The following NALF1 variants were observed in gnomAD, a reference collection of about 807,000 sequenced individuals.
NALF1 encodes the protein family with sequence similarity 155 member A.
NALF1 carries 3 observed loss-of-function variants against 48.4 expected under a neutral mutation model. The ratio of observed to expected loss-of-function variants is 0.06; its 90% confidence interval spans 0.03 to 0.16. The LOEUF (loss-of-function observed/expected upper bound fraction) is 0.16, where lower values mean the gene tolerates loss of function less well. Among genes scored for constraint, NALF1 ranks in the 10% least tolerant of loss-of-function variants. NALF1 has a pLI of 1.00. For synonymous variants in NALF1, 262 were observed against 245.7 expected (o/e 1.07, Z -0.62); for missense variants, 526 against 571.5 (o/e 0.92, Z 0.81).
At chr13:107,340,125 C>T (rs1232578559) in intron 1 of NALF1, among the ~76,000 whole-genome samples, 2 of 151,848 alleles carry the variant, frequency 1.3e-5, no homozygotes, top group African/African-American at 4.8e-5. Context: ...GTTATTCCTC[C>T]TCTGTTTGCC....
chr13:107,356,600 C>G (rs1882967712), intron 1 of NALF1, among the ~76,000 whole-genome samples: 1 of 149,326 alleles, frequency 6.7e-6, no homozygotes, highest in South Asian at 2.1e-4. Flanking sequence ...CTATCCCTCA[C>G]TTAGAACTCA....
chr13:107,775,279 C>T (rs1483175031), intron 1 of NALF1, among the ~76,000 whole-genome samples: 1 of 143,648 alleles, frequency 7.0e-6, no homozygotes, highest in African/African-American at 2.6e-5. Flanking sequence ...TTGTTCAATT[C>T]CCACCTATGA....
intron 1 of NALF1, among the ~76,000 whole-genome samples, chr13:107,735,427 G>C (rs1227626099): frequency 6.6e-6 from 1 of 152,188 alleles, no homozygotes; most frequent in Admixed American, 6.6e-5. Flanking sequence ...CAGCTTGCCT[G>C]TTTCGGCTGG....
intron 1 of NALF1, among the ~76,000 whole-genome samples, chr13:107,431,265 C>T (rs1030960949): frequency 6.6e-6 from 1 of 152,138 alleles, no homozygotes; most frequent in African/African-American, 2.4e-5. Flanking sequence ...AAAACAGTGT[C>T]CTTCCTAATG....
chr13:107,627,582 A>G (rs956904970), intron 1 of NALF1, among the ~76,000 whole-genome samples: 1 of 152,106 alleles, frequency 6.6e-6, no homozygotes, highest in Non-Finnish European at 1.5e-5. Flanking sequence ...ATTCTTTGTT[A>G]TAAGCCTAGA....
At chr13:107,689,342 T>G (rs1033792381) in intron 1 of NALF1, among the ~76,000 whole-genome samples, 3 of 152,228 alleles carry the variant, frequency 2.0e-5, no homozygotes, top group Non-Finnish European at 4.4e-5. Context: ...TATGACAGTT[T>G]TTAAATAATT....
chr13:107,395,432 C>T (rs1391376712), intron 1 of NALF1, among the ~76,000 whole-genome samples: 1 of 152,138 alleles, frequency 6.6e-6, no homozygotes, highest in Admixed American at 6.5e-5. Context: ...AGTACCTCTT[C>T]AGAGCTTCCC....
chr13:107,797,930 G>A (rs1024406342), intron 1 of NALF1, among the ~76,000 whole-genome samples: 1 of 152,076 alleles, frequency 6.6e-6, no homozygotes, highest in East Asian at 1.9e-4. Flanking sequence ...AATGGCCCAA[G>A]ATGGCTTTTC....
At chr13:107,288,843 T>C (rs977971752) in intron 1 of NALF1, among the ~76,000 whole-genome samples, 1 of 151,890 alleles carries the variant, frequency 6.6e-6, no homozygotes, top group African/African-American at 2.4e-5. Flanking sequence ...CAGAAAACAT[T>C]TTTTATGTTG....
intron 1 of NALF1, among the ~76,000 whole-genome samples, chr13:107,341,098 G>T (rs1187972277): frequency 6.6e-6 from 1 of 151,764 alleles, no homozygotes. Flanking sequence ...CAACATGCTG[G>T]ATAATGGCAG....
At chr13:107,446,039 AGCGATTCTCCT>A (rs1339994118) in intron 1 of NALF1, among the ~76,000 whole-genome samples, 1 of 152,154 alleles carries the variant, frequency 6.6e-6, no homozygotes, top group East Asian at 1.9e-4. Flanking sequence ...CCCGGGTTCA[AGCGATTCTCCT>A]GCCTCAGCCT....
chr13:107,191,579 G>A (rs569587414), intron 2 of NALF1, among the ~76,000 whole-genome samples: 17 of 152,208 alleles, frequency 1.1e-4, no homozygotes, highest in East Asian at 7.7e-4. Context: ...GTTAGAAGCC[G>A]GGGTCCTAGG....
chr13:107,188,440 C>A (rs1397505904), intron 2 of NALF1, among the ~76,000 whole-genome samples: 1 of 149,332 alleles, frequency 6.7e-6, no homozygotes, highest in African/African-American at 2.5e-5. Context: ...AAAAAAAGTT[C>A]AAATTATAGT....
chr13:107,569,477 A>G (rs1369675263), intron 1 of NALF1, among the ~76,000 whole-genome samples: 1 of 152,078 alleles, frequency 6.6e-6, no homozygotes, highest in African/African-American at 2.4e-5. Flanking sequence ...GTCTCAAAAA[A>G]AAAAAGAAAA....
At chr13:107,203,164 T>C (rs1879556579) in intron 2 of NALF1, among the ~76,000 whole-genome samples, 1 of 152,220 alleles carries the variant, frequency 6.6e-6, no homozygotes, top group Non-Finnish European at 1.5e-5. Context: ...TCTCATTGAA[T>C]AAGATTTCAC....
chr13:107,268,320 A>C (rs1187191504), intron 1 of NALF1, among the ~76,000 whole-genome samples: 1 of 152,020 alleles, frequency 6.6e-6, no homozygotes, highest in East Asian at 1.9e-4. Context: ...ATATTTTGGG[A>C]CCATGGTTGA....
chr13:107,390,149 C>A (rs892976801), intron 1 of NALF1, among the ~76,000 whole-genome samples: 1 of 151,914 alleles, frequency 6.6e-6, no homozygotes, highest in Non-Finnish European at 1.5e-5. Flanking sequence ...AGGGGCAGAT[C>A]GCTTGAAGCC....
rs149748241 is a variant in NALF1 at position 107,510,407 on chromosome 13, A to G, written c.916-299652T>C. Among the ~76,000 whole-genome samples, 3 of 152,314 alleles carry G rather than the reference A, an allele frequency of 2.0e-5. No homozygotes were observed. The East Asian group carries it at 5.8e-4, about 29-fold the overall frequency. On this transcript the variant is annotated intron_variant, in intron 1 of 2. Coordinates refer to ENST00000375915, the MANE Select transcript of NALF1 (RefSeq NM_001080396.3). The stretch of plus-strand genomic sequence containing the variant: ...GAGGGTCTGATTTCATTACTTTTAA[A>G]TGGAAAAATCAAGGAAAATCAGGGC...
chr13:107,270,226 T>C (rs1020451431), intron 1 of NALF1, among the ~76,000 whole-genome samples: 15 of 152,154 alleles, frequency 9.9e-5, no homozygotes, highest in African/African-American at 3.6e-4. Context: ...TATGTCAAAC[T>C]TTTGATCATT....
Sources: allele counts gnomAD v4.1 joint callset (sites outside exome capture counted in the v4.1 genomes callset), GRCh38; gene constraint gnomAD v4.1.1; transcripts MANE v1.5; gene names NCBI Gene and HGNC (gene_info 2026-07-23, HGNC 2026-07-21).